The following ACOT12 variants were observed in gnomAD, a reference collection of about 807,000 sequenced individuals.
The protein encoded by ACOT12 is acyl-CoA thioesterase 12.
In ACOT12, 51 loss-of-function variants were observed where a neutral mutation model predicts 67.7. The observed-to-expected ratio is 0.75, with a 90% confidence interval of 0.60 to 0.95. ACOT12 has a LOEUF of 0.95. ACOT12 is among the 40% of genes least tolerant of loss of function. The probability of loss-of-function intolerance (pLI) is 0.00; values close to 1 mark genes in which losing one functional copy is unlikely to be tolerated. For missense variants in ACOT12, 734 were observed against 708.1 expected, an observed-to-expected ratio of 1.04 and a Z score of -0.41; for synonymous variants, 251 against 244.6, an observed-to-expected ratio of 1.03 and a Z score of -0.24.
At chr5:81,365,037 A>G (rs1398116307) in intron 3 of ACOT12, among the ~76,000 whole-genome samples, 2 of 152,204 alleles carry the variant, frequency 1.3e-5, no homozygotes, top group African/African-American at 4.8e-5. Context: ...GTTGATACTA[A>G]AATGGGCTAG....
intron 2 of ACOT12, among the ~76,000 whole-genome samples, chr5:81,375,181 A>C (rs1760373004): frequency 6.6e-6 from 1 of 152,232 alleles, no homozygotes; most frequent in Non-Finnish European, 1.5e-5. Context: ...AGTGGCGGCC[A>C]ATATTCAACA....
chr5:81,319,404 A>G, the ACOT12 span, among the ~76,000 whole-genome samples: 1 of 152,348 alleles, frequency 6.6e-6, no homozygotes, highest in Non-Finnish European at 1.5e-5. Flanking sequence ...ATTTTAGAGC[A>G]TCTTCAACAC....
In ACOT12 at chr5:81,330,861, T is replaced by C. The variant is rs759459798; in HGVS notation, c.1471A>G (p.Ile491Val). The C allele has an allele frequency of 1.9e-6, 3 of 1,613,968 alleles. No individual in the cohort carries two copies. Among genetic ancestry groups the C allele is most frequent in the Non-Finnish European group, 8.5e-7 (1 of 1,179,984 alleles). ...PSPQYIRSEI[I>V]CAGFLIHAID... ...GCATGGATGAGAAATCCGGCACATA[T>C]GATTTCACTTCTGATGTACTGTGGA... is the stretch of plus-strand genomic sequence containing the variant. The change falls in exon 14 of 15, where the codon ATA becomes GTA. Residue 491 changes from isoleucine to valine, a missense_variant. Transcript: ENST00000307624.
At position 81,359,867 on chromosome 5, in the gene ACOT12, T is replaced by C. The variant is rs187125870; in HGVS notation, c.496+36A>G. ...AAAAGACTCCTTTGCCTGTCACAGTTATAGAATTAAAATTCTTATAAGTGG... is the reference window on the plus strand; with the variant it reads ...AAAAGACTCCTTTGCCTGTCACAGTCATAGAATTAAAATTCTTATAAGTGG... On this transcript the variant is annotated intron_variant, in intron 5 of 14. Coordinates refer to ENST00000307624, the MANE Select transcript of ACOT12 (RefSeq NM_130767.3). 29 of 1,584,726 alleles carry C rather than the reference T, an allele frequency of 1.8e-5. No homozygotes were observed. The East Asian group carries it at 5.9e-4, about 32-fold the overall frequency.
At chr5:81,386,552 C>T (rs1323728281) in intron 1 of ACOT12, among the ~76,000 whole-genome samples, 1 of 151,936 alleles carries the variant, frequency 6.6e-6, no homozygotes, top group East Asian at 1.9e-4. Context: ...AGAATTTATA[C>T]TCTGTGGGGA....
intron 14 of ACOT12, 86 bp downstream of exon 14, chr5:81,330,728 C>A (rs1459063531): frequency 6.4e-7 from 1 of 1,557,714 alleles, no homozygotes; most frequent in African/African-American, 1.4e-5. Flanking sequence ...TACAAGATTA[C>A]AATTAATTAG....
At chr5:81,361,077 C>CAAAAAAAAAAAAAAAAAAA (rs71000820) in intron 4 of ACOT12, among the ~76,000 whole-genome samples, 4 of 52,634 alleles carry the variant, frequency 7.6e-5, no homozygotes, top group African/African-American at 8.3e-5. Context: ...GACTCCATCT[C>CAAAAAAAAAAAAAAAAAAA]AAAAAAAAAA....
chr5:81,360,872 T>G (rs1358670091), intron 4 of ACOT12, among the ~76,000 whole-genome samples: 1 of 151,970 alleles, frequency 6.6e-6, no homozygotes, highest in Non-Finnish European at 1.5e-5. Flanking sequence ...ATTATAGGTG[T>G]GAGCCACTGC....
Position 81,330,339 on chromosome 5 carries a change from G to A in ACOT12, c.*55C>T. 4 of 1,578,006 alleles carry A rather than the reference G, an allele frequency of 2.5e-6. No homozygotes were observed. Among genetic ancestry groups the A allele is most frequent in the Non-Finnish European group, 3.5e-6 (4 of 1,157,360 alleles). ...AAAGCTTGACAGATGTCAGGGCTAAGGGTGCTTGGAATTAAAAGTGGGAAA... is the reference window on the plus strand; with the variant it reads ...AAAGCTTGACAGATGTCAGGGCTAAAGGTGCTTGGAATTAAAAGTGGGAAA... On this transcript the variant is annotated 3_prime_UTR_variant, in exon 15 of 15. Transcript: ENST00000307624.
chr5:81,370,833 G>A (rs1760227454), intron 3 of ACOT12, among the ~76,000 whole-genome samples: 1 of 152,160 alleles, frequency 6.6e-6, no homozygotes, highest in Non-Finnish European at 1.5e-5. Flanking sequence ...CATGCCCAGA[G>A]ATTGAAGGGA....
At chr5:81,315,170 A>T in the ACOT12 span, among the ~76,000 whole-genome samples, 1 of 152,134 alleles carries the variant, frequency 6.6e-6, no homozygotes, top group Non-Finnish European at 1.5e-5. Flanking sequence ...TAATACTTCA[A>T]ATTCAATATG....
chr5:81,334,807 C>T (rs1248126045), intron 12 of ACOT12, among the ~76,000 whole-genome samples: 1 of 152,174 alleles, frequency 6.6e-6, no homozygotes, highest in Non-Finnish European at 1.5e-5. Context: ...TCTGTCAGTG[C>T]AGTTGGCAGG....
chr5:81,383,443 G>A (rs186288194), intron 2 of ACOT12, among the ~76,000 whole-genome samples: 1 of 152,230 alleles, frequency 6.6e-6, no homozygotes, highest in Non-Finnish European at 1.5e-5. Flanking sequence ...AAATACAAAG[G>A]ACAGGAGAAC....
the ACOT12 span, among the ~76,000 whole-genome samples, chr5:81,310,157 TAAA>T: frequency 0.12 from 12,278 of 104,648 alleles, 673 homozygotes; most frequent in Middle Eastern, 0.24. Context: ...TGACTAGCTG[TAAA>T]AAAAAAAAAA....
Position 81,335,668 on chromosome 5 carries a change from A to G in ACOT12, c.1262+100T>C. On this transcript the variant is annotated intron_variant, in intron 12 of 14. Transcript: ENST00000307624. ...AACTTCTAAAAATACTCTTTAAACA[A>G]TGGGTCACACATTGGACGATGGAGA... The G allele has an allele frequency of 2.2e-6, 3 of 1,362,646 alleles. 1 individual carries two copies. The highest frequency in any genetic ancestry group is 2.9e-5 in the South Asian group (2 of 69,432). 84.4% of individuals were successfully genotyped at this position (1,362,646 alleles called of 1,614,324 possible). A position where few individuals can be genotyped will look rare whatever the true frequency, so the allele number is the denominator to read the frequency against.
the ACOT12 span, among the ~76,000 whole-genome samples, chr5:81,318,161 G>T: frequency 6.6e-6 from 1 of 152,250 alleles, no homozygotes; most frequent in Middle Eastern, 3.4e-3. Flanking sequence ...GGGATTACAG[G>T]TGTGAGCCAC....
chr5:81,369,928 T>C (rs1561344360), intron 3 of ACOT12, among the ~76,000 whole-genome samples: 1 of 152,200 alleles, frequency 6.6e-6, no homozygotes, highest in African/African-American at 2.4e-5. Flanking sequence ...CTTCACGACA[T>C]TTCCTTTCTG....
intron 11 of ACOT12, among the ~76,000 whole-genome samples, chr5:81,339,010 G>A (rs1267482503): frequency 6.6e-6 from 1 of 151,560 alleles, no homozygotes; most frequent in African/African-American, 2.4e-5. Context: ...GAACCCAGGA[G>A]GGGGAGTTGT....
intron 3 of ACOT12, among the ~76,000 whole-genome samples, chr5:81,365,591 A>G (rs1760053675): frequency 6.6e-6 from 1 of 152,220 alleles, no homozygotes; most frequent in African/African-American, 2.4e-5. Flanking sequence ...TTTCAAAAAC[A>G]TATGCCAGGG....
Sources: gnomAD v4.1 joint callset for allele counts (sites outside exome capture counted in the v4.1 genomes callset) on GRCh38, gnomAD v4.1.1 for gene constraint, MANE v1.5 for transcripts, NCBI Gene and HGNC (gene_info 2026-07-23, HGNC 2026-07-21) for gene names.